BRIP1: variants seen among roughly 807,000 people sequenced by gnomAD.
The protein encoded by BRIP1 is Fanconi anemia group J protein.
In BRIP1, 88 loss-of-function variants were observed where a neutral mutation model predicts 119.7. That is an observed-to-expected ratio of 0.74 (90% CI 0.62 to 0.88). The LOEUF (loss-of-function observed/expected upper bound fraction) is 0.88, where lower values mean the gene tolerates loss of function less well. BRIP1 is among the 40% of genes least tolerant of loss of function. The probability of loss-of-function intolerance (pLI) is 0.00; values close to 1 mark genes in which losing one functional copy is unlikely to be tolerated. For synonymous variants in BRIP1, 443 were observed against 496.5 expected, an observed-to-expected ratio of 0.89 and a Z score of 1.43; for missense variants, 1,259 against 1,455.4, an observed-to-expected ratio of 0.87 and a Z score of 2.20.
intron 16 of BRIP1, among the ~76,000 whole-genome samples, chr17:61,719,048 C>T (rs910082318): frequency 4.6e-5 from 7 of 152,032 alleles, no homozygotes; most frequent in African/African-American, 1.7e-4. Flanking sequence ...TTGATTCACA[C>T]TTAGGTGAAT....
Position 61,759,904 on chromosome 17 carries a change from A to G in BRIP1, c.2098-15313T>C, listed in dbSNP as rs1248203838. 6.6e-6 allele frequency among the ~76,000 whole-genome samples: 1 copy of G among 151,638 alleles called. No individual in the cohort carries two copies. Among genetic ancestry groups the G allele is most frequent in the Non-Finnish European group, 1.5e-5 (1 of 67,818 alleles). ...TTAATTTATGAAAAAAAAAAAACCC[A>G]GAATATTTGCAAAGTGCGATAAAGC... On this transcript the variant is annotated intron_variant, in intron 14 of 19. Transcript: ENST00000259008. The surrounding 1 kb of genome is among the most constrained non-coding windows in gnomAD (Gnocchi z 4.9).
At position 61,687,449 on chromosome 17, in the gene BRIP1, C is replaced by G. The variant is rs2061378747; in HGVS notation, c.2576-1284G>C. ...ACTGTTTGACCTATGCTACTGCACACTTTACGTGGAAAGGGAAGATAAAAC... is the reference window on the plus strand; with the variant it reads ...ACTGTTTGACCTATGCTACTGCACAGTTTACGTGGAAAGGGAAGATAAAAC... On this transcript the variant is annotated intron_variant, in intron 18 of 19. Transcript: ENST00000259008. The surrounding 1 kb of genome is among the most constrained non-coding windows in gnomAD (Gnocchi z 5.1). Among the ~76,000 whole-genome samples, 1 of 152,066 alleles carries G rather than the reference C, an allele frequency of 6.6e-6. No homozygotes were observed. Among genetic ancestry groups the G allele is most frequent in the South Asian group, 2.1e-4 (1 of 4,832 alleles).
rs1440926621 is a variant in BRIP1 at position 61,762,114 on chromosome 17, C to T, written c.2097+14287G>A. On this transcript the variant is annotated intron_variant, in intron 14 of 19. Coordinates refer to ENST00000259008, the MANE Select transcript of BRIP1 (RefSeq NM_032043.3). This position sits in a 1 kb window ranked among gnomAD's most constrained non-coding sequence, Gnocchi z 4.3. ...GAAAGAAACCCATGTATGTGCTCAA[C>T]TGATTTTCAACAAAGGTGCCAAGTA... Among the ~76,000 whole-genome samples the T allele has an allele frequency of 1.3e-5, 2 of 151,882 alleles. No homozygotes were observed. Among genetic ancestry groups the T allele is most frequent in the Non-Finnish European group, 2.9e-5 (2 of 67,966 alleles).
intron 16 of BRIP1, among the ~76,000 whole-genome samples, chr17:61,716,700 A>G (rs1356801672): frequency 1.0e-5 from 1 of 96,440 alleles, no homozygotes; most frequent in Admixed American, 9.8e-5. Flanking sequence ...TAAGACTACC[A>G]CCTTGCTTCC....
Position 61,768,285 on chromosome 17 carries a change from T to C in BRIP1, c.2097+8116A>G, listed in dbSNP as rs868271534. ...ATATAAGCAAGGCTCTCAATATAAA[T>C]ATTTTGGTATTTTAAAGAAATTCAA... On this transcript the variant is annotated intron_variant, in intron 14 of 19. Coordinates refer to ENST00000259008, the MANE Select transcript of BRIP1 (RefSeq NM_032043.3). This position sits in a 1 kb window ranked among gnomAD's most constrained non-coding sequence, Gnocchi z 5.0. Among the ~76,000 whole-genome samples, 1 of 152,222 alleles carries C rather than the reference T, an allele frequency of 6.6e-6. No homozygotes were observed. The highest frequency in any genetic ancestry group is 6.5e-5 in the Admixed American group (1 of 15,282).
intron 14 of BRIP1, among the ~76,000 whole-genome samples, chr17:61,765,384 TATATATATA>T: frequency 9.1e-5 from 2 of 21,978 alleles, no homozygotes; most frequent in African/African-American, 1.8e-4. Flanking sequence ...ATATATTATA[TATATATATA>T]TATATATATA....
Position 61,685,856 on chromosome 17 carries a change from A to G in BRIP1, c.2885T>C (p.Ile962Thr), listed in dbSNP as rs786201632. The G allele has an allele frequency of 2.5e-6, 4 of 1,612,364 alleles. No individual in the cohort carries two copies. The highest frequency in any genetic ancestry group is 3.4e-6 in the Non-Finnish European group (4 of 1,178,982). The stretch of plus-strand genomic sequence containing the variant: ...CATACTTTTCTCCTTTCTGGAGATA[A>G]TGCTACTTGGTAGAGGTGAATTTTT... ...ITKNSPLPSS[I>T]ISRKEKNDPV... Residue 962 changes from isoleucine to threonine, a missense_variant, in exon 19 of 20, where the codon ATT (isoleucine) becomes ACT (threonine). Transcript: ENST00000259008.
rs1468065107 is a variant in BRIP1, at chr17:61,736,666, C to T, written c.2379+6347G>A. ...ACAAAGTCAAATACAATTTTAACAACTTCTACTAAAACCCCATTCAATCAT... is the reference window on the plus strand; with the variant it reads ...ACAAAGTCAAATACAATTTTAACAATTTCTACTAAAACCCCATTCAATCAT... On this transcript the variant is annotated intron_variant, in intron 16 of 19. Transcript: ENST00000259008. This position sits in a 1 kb window ranked among gnomAD's most constrained non-coding sequence, Gnocchi z 4.4. Among the ~76,000 whole-genome samples the T allele has an allele frequency of 6.6e-6, 1 of 152,154 alleles. No homozygotes were observed. The highest frequency in any genetic ancestry group is 1.5e-5 in the Non-Finnish European group (1 of 68,008).
At chr17:61,820,452 A>C (rs2078303783) in intron 6 of BRIP1, among the ~76,000 whole-genome samples, 2 of 152,198 alleles carry the variant, frequency 1.3e-5, no homozygotes, top group Non-Finnish European at 2.9e-5. Context: ...AAACTGGTTG[A>C]CTGGCCACAT....
chr17:61,693,400 T>A lies in BRIP1; in HGVS notation c.2575+30A>T. 1 of 1,575,620 alleles carries A rather than the reference T, an allele frequency of 6.3e-7. No homozygotes were observed. Among genetic ancestry groups the A allele is most frequent in the Non-Finnish European group, 8.7e-7 (1 of 1,145,146 alleles). ...ATAAAAATATGAAGATTGTTACTAG[T>A]TTTTACTCTAAGCCCAGCTGAGATC... On this transcript the variant is annotated intron_variant, in intron 18 of 19. Coordinates refer to ENST00000259008, the MANE Select transcript of BRIP1 (RefSeq NM_032043.3). This position sits in a 1 kb window ranked among gnomAD's most constrained non-coding sequence, Gnocchi z 4.2.
rs1334305201 is a variant in BRIP1, at chr17:61,739,397, G to A, written c.2379+3616C>T. 1 of 188,526 alleles carries A rather than the reference G, an allele frequency of 5.3e-6. No individual in the cohort carries two copies. The highest frequency in any genetic ancestry group is 8.4e-5 in the East Asian group (1 of 11,900). 11.7% of individuals were successfully genotyped at this position (188,526 alleles called of 1,614,324 possible). ...GGCATAGCCATTAGTGCCCTCAGCA[G>A]TAGCACTGGTTAACTGGAGAAAGGT... On this transcript the variant is annotated intron_variant, in intron 16 of 19. Coordinates refer to ENST00000259008, the MANE Select transcript of BRIP1 (RefSeq NM_032043.3). This position sits in a 1 kb window ranked among gnomAD's most constrained non-coding sequence, Gnocchi z 6.0.
Position 61,693,657 on chromosome 17 carries a change from A to C in BRIP1, c.2493-145T>G. ...TATTATCAGAAAAGTTACAGAAGCT[A>C]TCCAACACAATGTAACAAACTAGAT... On this transcript the variant is annotated intron_variant, in intron 17 of 19. Transcript: ENST00000259008. This position sits in a 1 kb window ranked among gnomAD's most constrained non-coding sequence, Gnocchi z 4.2. 1 of 691,684 alleles carries C rather than the reference A, an allele frequency of 1.4e-6. No homozygotes were observed. The highest frequency in any genetic ancestry group is 1.8e-5 in the South Asian group (1 of 56,578). 42.8% of individuals were successfully genotyped at this position (691,684 alleles called of 1,614,324 possible).
rs775547651 is a variant in BRIP1 at position 61,693,500 on chromosome 17, G to C, written c.2505C>G (p.His835Gln). The change falls in exon 18 of 20, where the codon CAC becomes CAG. Residue 835 changes from histidine (H) to glutamine (Q), a missense_variant. Physicochemically the swap from His to Gln is conservative, Grantham distance 24 (BLOSUM62 0). Coordinates refer to ENST00000259008, the MANE Select transcript of BRIP1 (RefSeq NM_032043.3). The surrounding 1 kb of genome is among the most constrained non-coding windows in gnomAD (Gnocchi z 4.2). ...LNQALGRCIR[H>Q]RNDWGALILV... is the part of the protein sequence containing the mutation. ...GAATAAGAGCTCCCCAATCATTTCT[G>C]TGTCTAATACATCTAGAAAAAATAG... The C allele has an allele frequency of 1.2e-6, 2 of 1,612,368 alleles. No individual in the cohort carries two copies. Among genetic ancestry groups the C allele is most frequent in the Non-Finnish European group, 1.7e-6 (2 of 1,178,532 alleles).
At chr17:61,727,239 A>G (rs2076777599) in intron 16 of BRIP1, among the ~76,000 whole-genome samples, 1 of 152,218 alleles carries the variant, frequency 6.6e-6, no homozygotes, top group Admixed American at 6.5e-5. Context: ...TCCTGGCAAT[A>G]GTAGCATAAA....
intron 4 of BRIP1, among the ~76,000 whole-genome samples, chr17:61,850,496 G>A (rs2078803293): frequency 6.6e-6 from 1 of 152,112 alleles, no homozygotes; most frequent in African/African-American, 2.4e-5. Context: ...TTACAGCAGA[G>A]AAAGACCTAC....
intron 13 of BRIP1, among the ~76,000 whole-genome samples, chr17:61,777,929 G>C (rs1213526982): frequency 2.0e-5 from 3 of 152,064 alleles, no homozygotes; most frequent in African/African-American, 7.2e-5. Context: ...ATCATGTCTT[G>C]GTCTTCCCGG....
chr17:61,788,390 T>C (rs1248873599), intron 10 of BRIP1, among the ~76,000 whole-genome samples: 1 of 152,158 alleles, frequency 6.6e-6, no homozygotes, highest in Non-Finnish European at 1.5e-5. Context: ...TGTAAATGCA[T>C]GAATTCTTTC....
intron 18 of BRIP1, among the ~76,000 whole-genome samples, chr17:61,692,670 C>T (rs959108262): frequency 1.3e-5 from 2 of 152,016 alleles, no homozygotes; most frequent in Non-Finnish European, 2.9e-5. Flanking sequence ...TCACATTATA[C>T]CTGCTAGGAG....
intron 10 of BRIP1, 58 bp from the exon 11 acceptor site, chr17:61,784,482 C>A (rs2077674631): frequency 5.4e-6 from 8 of 1,480,586 alleles, no homozygotes; most frequent in Non-Finnish European, 1.9e-6. Flanking sequence ...GAAAAAGAAA[C>A]TTCTCAAAAA....
Sources: allele counts gnomAD v4.1 joint callset (sites outside exome capture counted in the v4.1 genomes callset), GRCh38; gene constraint gnomAD v4.1.1; non-coding constraint Gnocchi (gnomAD v3.1); transcripts MANE v1.5; gene names NCBI Gene and HGNC (gene_info 2026-07-23, HGNC 2026-07-21).